The following SH2D4A variants were observed in gnomAD, a reference collection of about 807,000 sequenced individuals.
SH2D4A encodes SH2 domain containing 4A, also known as SH2 domain-containing protein 4A.
In SH2D4A, 70 loss-of-function variants were observed where a neutral mutation model predicts 64.7. That is an observed-to-expected ratio of 1.08 (90% CI 0.89 to 1.32). SH2D4A has a LOEUF of 1.32. Among genes scored for constraint, SH2D4A ranks in the 40% most tolerant of loss-of-function variants. The probability of loss-of-function intolerance (pLI) is 0.00; values close to 1 mark genes in which losing one functional copy is unlikely to be tolerated. For synonymous variants in SH2D4A, 268 were observed against 200.7 expected (o/e 1.34, Z -2.83); for missense variants, 706 against 540.1 (o/e 1.31, Z -3.04).
intron 5 of SH2D4A, among the ~76,000 whole-genome samples, chr8:19,358,758 T>C (rs1219261097): frequency 1.3e-5 from 2 of 152,150 alleles, no homozygotes; most frequent in Non-Finnish European, 2.9e-5. Context: ...GGGGAGGCAT[T>C]CTAAGTGCTT....
chr8:19,342,653 C>G (rs1176856710), intron 4 of SH2D4A, among the ~76,000 whole-genome samples: 1 of 152,192 alleles, frequency 6.6e-6, no homozygotes, highest in Non-Finnish European at 1.5e-5. Flanking sequence ...GTTTGATTCA[C>G]AGGGGGAGCT....
chr8:19,357,850 C>T (rs1423208688), intron 5 of SH2D4A, among the ~76,000 whole-genome samples: 1 of 152,118 alleles, frequency 6.6e-6, no homozygotes, highest in Non-Finnish European at 1.5e-5. Flanking sequence ...TAGACTGGTA[C>T]TTGGAAGCTG....
chr8:19,341,284 A>G (rs2052524939), intron 4 of SH2D4A, among the ~76,000 whole-genome samples: 1 of 152,182 alleles, frequency 6.6e-6, no homozygotes, highest in South Asian at 2.1e-4. Flanking sequence ...AATTTCCGCT[A>G]CAGTTTATTT....
At chr8:19,345,181 A>G (rs771739708) in intron 4 of SH2D4A, among the ~76,000 whole-genome samples, 14 of 152,206 alleles carry the variant, frequency 9.2e-5, no homozygotes, top group Admixed American at 2.6e-4. Flanking sequence ...ATGACTAATC[A>G]ATTGCAGCAC....
At chr8:19,319,751 T>C (rs781582927) in intron 2 of SH2D4A, 23 bp downstream of exon 2, 3 of 1,539,184 alleles carry the variant, frequency 1.9e-6, no homozygotes, top group Non-Finnish European at 1.7e-6. Flanking sequence ...ACGTTTCTTC[T>C]GTGGATGTGT....
intron 5 of SH2D4A, among the ~76,000 whole-genome samples, chr8:19,359,462 G>A (rs11985385): frequency 0.22 from 33,808 of 151,978 alleles, 4,847 homozygotes; most frequent in African/African-American, 0.41. Flanking sequence ...TTTCCTAACC[G>A]TTTAAAAATA....
chr8:19,334,128 G>A (rs1297565476), intron 3 of SH2D4A, among the ~76,000 whole-genome samples: 1 of 152,136 alleles, frequency 6.6e-6, no homozygotes. Context: ...GCTCTGGGCA[G>A]TGATGTTGAC....
intron 7 of SH2D4A, among the ~76,000 whole-genome samples, chr8:19,369,265 C>G (rs752639871): frequency 1.3e-5 from 2 of 151,986 alleles, no homozygotes; most frequent in African/African-American, 4.8e-5. Context: ...TATCTATGTT[C>G]ATCATCATCA....
chr8:19,388,542 A>C (rs745615518), intron 8 of SH2D4A, among the ~76,000 whole-genome samples: 1 of 152,210 alleles, frequency 6.6e-6, no homozygotes, highest in African/African-American at 2.4e-5. Context: ...CAATATATCT[A>C]TGTAGGGTTG....
chr8:19,325,576 C>G (rs2052264879), intron 2 of SH2D4A, among the ~76,000 whole-genome samples: 1 of 152,148 alleles, frequency 6.6e-6, no homozygotes, highest in Non-Finnish European at 1.5e-5. Flanking sequence ...TTGGGTAACA[C>G]TGTCAACTTC....
chr8:19,329,099 C>T (rs2052329911), intron 2 of SH2D4A, among the ~76,000 whole-genome samples: 1 of 152,164 alleles, frequency 6.6e-6, no homozygotes, highest in African/African-American at 2.4e-5. Flanking sequence ...CCATGGCTGC[C>T]TGCTGATTCC....
chr8:19,355,184 C>T (rs1201041748), intron 4 of SH2D4A, among the ~76,000 whole-genome samples: 1 of 152,106 alleles, frequency 6.6e-6, no homozygotes, highest in Middle Eastern at 3.2e-3. Context: ...TACCTGCCTC[C>T]TAATTTTCAA....
At position 19,364,121 on chromosome 8, in the gene SH2D4A, A is replaced by T. The variant is rs774454321; in HGVS notation, c.756A>T (p.Gln252His). 5.0e-6 allele frequency: 8 copies of T among 1,614,146 alleles called. No individual in the cohort carries two copies. Among genetic ancestry groups the T allele is most frequent in the Non-Finnish European group, 4.2e-6 (5 of 1,180,002 alleles). The change falls in exon 7 of 10, where the codon CAA becomes CAT. Residue 252 changes from glutamine (Q) to histidine (H), a missense_variant. Physicochemically the swap from Gln to His is conservative, Grantham distance 24. Transcript: ENST00000265807. ...ADEKRRSLAK[Q>H]AREDYKRLSL... is the part of the protein sequence containing the mutation. ...AGAAGAGACGCTCCTTGGCTAAACA[A>T]GCACGAGAAGACTACAAGAGGTTAT...
chr8:19,357,113 A>G, intron 4 of SH2D4A, 90 bp from the exon 5 acceptor site: 1 of 1,062,996 alleles, frequency 9.4e-7, no homozygotes. Context: ...CGGGGGCAGC[A>G]TTAGGGAAAC....
chr8:19,390,695 G>A (rs910306232), intron 8 of SH2D4A, among the ~76,000 whole-genome samples: 1 of 152,196 alleles, frequency 6.6e-6, no homozygotes, highest in Non-Finnish European at 1.5e-5. Flanking sequence ...TTTGGAACCT[G>A]CCCTCTGTCC....
chr8:19,322,818 G>A (rs2052214627), intron 2 of SH2D4A, among the ~76,000 whole-genome samples: 1 of 151,782 alleles, frequency 6.6e-6, no homozygotes. Flanking sequence ...GGGATTATAA[G>A]CACCTGCTAC....
At chr8:19,332,023 T>C in intron 2 of SH2D4A, among the ~76,000 whole-genome samples, 1 of 152,018 alleles carries the variant, frequency 6.6e-6, no homozygotes, top group Non-Finnish European at 1.5e-5. Context: ...GGCATGGTAA[T>C]GCATGCCTGC....
chr8:19,316,011 G>C (rs973118188), intron 1 of SH2D4A, among the ~76,000 whole-genome samples: 1 of 152,222 alleles, frequency 6.6e-6, no homozygotes, highest in African/African-American at 2.4e-5. Context: ...GGAGCTGGGA[G>C]TTGAGGCTGG....
intron 4 of SH2D4A, among the ~76,000 whole-genome samples, chr8:19,352,074 C>T (rs2052714495): frequency 6.6e-6 from 1 of 152,162 alleles, no homozygotes; most frequent in African/African-American, 2.4e-5. Flanking sequence ...TGAGCCACCG[C>T]CTCCAGCCTA....
Sources: gnomAD v4.1 joint callset for allele counts (sites outside exome capture counted in the v4.1 genomes callset) on GRCh38, gnomAD v4.1.1 for gene constraint, MANE v1.5 for transcripts, NCBI Gene and HGNC (gene_info 2026-07-23, HGNC 2026-07-21) for gene names.